The following NDUFC1 variants were observed in gnomAD, a reference collection of about 807,000 sequenced individuals.
NDUFC1 encodes the protein NADH:ubiquinone oxidoreductase subunit C1, also known as NADH dehydrogenase [ubiquinone] 1 subunit C1, mitochondrial.
A neutral mutation model predicts 11.6 loss-of-function variants in NDUFC1; 11 were observed. The ratio of observed to expected loss-of-function variants is 0.95; its 90% CI spans 0.60 to 1.58. The LOEUF (loss-of-function observed/expected upper bound fraction) is 1.58. NDUFC1 is among the 40% of genes most tolerant of loss of function. The pLI is 0.00. For missense variants in NDUFC1, 112 were observed against 93.0 expected, an observed-to-expected ratio of 1.20 and a Z score of -0.84; for synonymous variants, 52 against 42.2, an observed-to-expected ratio of 1.23 and a Z score of -0.90.
intron 3 of NDUFC1, 44 bp from the exon 4 acceptor site, chr4:139,295,190 G>C (rs754314157): frequency 2.0e-6 from 3 of 1,490,426 alleles, no homozygotes; most frequent in Non-Finnish European, 2.8e-6. Flanking sequence ...TTACTGCCTT[G>C]TAGGGAAAAA....
At chr4:139,292,776 T>C (rs1216736007) in intron 4 of NDUFC1, among the ~76,000 whole-genome samples, 167 bp from the exon 5 acceptor site, 1 of 151,708 alleles carries the variant, frequency 6.6e-6, no homozygotes, top group Admixed American at 6.6e-5. Flanking sequence ...CTCACCACAA[T>C]GTGACATCCT....
chr4:139,293,329 G>A (rs1392623462), intron 4 of NDUFC1, among the ~76,000 whole-genome samples: 1 of 152,074 alleles, frequency 6.6e-6, no homozygotes, highest in East Asian at 1.9e-4. Flanking sequence ...TCACGAAACT[G>A]TATGTGTATT....
rs751646656 is a variant in NDUFC1, at chr4:139,295,765, G to T, written c.34C>A (p.Arg12=). The stretch of plus-strand genomic sequence containing the variant: ...GGGAGCCTGGCGGGGGCCAGCAGCC[G>T]GGAAAGGGGACGCAGCAAGGCGGAC... ...APSALLRPLS[R]LLAPARLPSG... The change falls in exon 3 of 6, where the codon CGG becomes AGG. Residue 12 remains arginine (R), a synonymous_variant. Coordinates refer to ENST00000394223, the MANE Select transcript of NDUFC1 (RefSeq NM_001184989.2). 6.4e-7 allele frequency: 1 copy of T among 1,552,166 alleles called. No individual in the cohort carries two copies. Among genetic ancestry groups the T allele is most frequent in the South Asian group, 1.2e-5 (1 of 84,376 alleles).
chr4:139,302,107 T>G, intron 1 of NDUFC1: 5 of 366,694 alleles, frequency 1.4e-5, no homozygotes, highest in East Asian at 4.2e-5. Flanking sequence ...CCGGTTCTCA[T>G]TCTCCCCGAT....
chr4:139,292,623 A>G lies in NDUFC1; in HGVS notation c.172-14T>C. On this transcript the variant is annotated splice_polypyrimidine_tract_variant and intron_variant, in intron 4 of 5. Transcript: ENST00000394223. ...TTGTTTGATGAGCTACAAAGAGTTA[A>G]ACAGTTAAAATTAGAAATGTAATCT... The G allele has an allele frequency of 3.4e-6, 5 of 1,481,688 alleles. No homozygotes were observed. Among genetic ancestry groups the G allele is most frequent in the Non-Finnish European group, 4.6e-6 (5 of 1,077,678 alleles). 91.8% of individuals were successfully genotyped at this position (1,481,688 alleles called of 1,614,324 possible).
chr4:139,292,989 T>G (rs1191160190), intron 4 of NDUFC1, among the ~76,000 whole-genome samples: 4 of 151,914 alleles, frequency 2.6e-5, no homozygotes, highest in African/African-American at 4.8e-5. Context: ...CCTGGCTAAT[T>G]TTTGTATCTT....
chr4:139,295,123 C>G lies in NDUFC1; in HGVS notation c.91G>C (p.Val31Leu). The change falls in exon 4 of 6, where the codon GTG (valine) becomes CTG (leucine). Residue 31 changes from valine to leucine, a missense_variant. Coordinates refer to ENST00000394223, the MANE Select transcript of NDUFC1 (RefSeq NM_001184989.2). ...SGPSVRSKFY[V>L]REPPNAKPDW... ...GGTTTGGCATTCGGCGGCTCTCGCA[C>G]GTAGAACTTTGATCGCACTGAAGCT... is the stretch of plus-strand genomic sequence containing the variant. 1.2e-6 allele frequency: 2 copies of G among 1,614,146 alleles called. No individual in the cohort carries two copies. Among genetic ancestry groups the G allele is most frequent in the Non-Finnish European group, 1.7e-6 (2 of 1,180,020 alleles).
At chr4:139,290,950 C>T (rs1295385257) in intron 5 of NDUFC1, among the ~76,000 whole-genome samples, 1 of 151,472 alleles carries the variant, frequency 6.6e-6, no homozygotes, top group East Asian at 2.0e-4. Flanking sequence ...GCTGGGACTA[C>T]GGGCGCGCAC....
intron 5 of NDUFC1, among the ~76,000 whole-genome samples, chr4:139,291,095 A>G (rs1013580668): frequency 2.0e-5 from 3 of 148,608 alleles, no homozygotes; most frequent in African/African-American, 7.3e-5. Context: ...TACAGGCGTG[A>G]GCCACTGCGC....
chr4:139,292,340 T>A (rs6826290), intron 5 of NDUFC1, among the ~76,000 whole-genome samples, 190 bp downstream of exon 5: 1 of 148,946 alleles, frequency 6.7e-6, no homozygotes, highest in Non-Finnish European at 1.5e-5. Flanking sequence ...AAAAACCCCA[T>A]CCCCCCCAAA....
intron 1 of NDUFC1, among the ~76,000 whole-genome samples, chr4:139,299,317 C>T (rs574370613): frequency 1.3e-5 from 2 of 151,514 alleles, no homozygotes; most frequent in South Asian, 2.1e-4. Flanking sequence ...ATGTAACAGT[C>T]TCAATAGAGA....
intron 1 of NDUFC1, chr4:139,301,449 G>A: frequency 2.3e-6 from 1 of 439,770 alleles, no homozygotes; most frequent in Non-Finnish European, 4.0e-6. Flanking sequence ...AGGTCACCGC[G>A]CCTGCGTGTT....
chr4:139,301,518 G>C, intron 1 of NDUFC1: 1 of 491,468 alleles, frequency 2.0e-6, no homozygotes, highest in South Asian at 3.0e-5. Flanking sequence ...TGCCTCTGTC[G>C]GTCTGTTCAG....
intron 5 of NDUFC1, among the ~76,000 whole-genome samples, chr4:139,291,345 G>A (rs1229283272): frequency 6.6e-6 from 1 of 151,922 alleles, no homozygotes; most frequent in Non-Finnish European, 1.5e-5. Context: ...GGGAGGCCGA[G>A]GCGGGCAGAT....
intron 4 of NDUFC1, among the ~76,000 whole-genome samples, chr4:139,293,242 G>A (rs1470083099): frequency 6.6e-6 from 1 of 152,152 alleles, no homozygotes; most frequent in Non-Finnish European, 1.5e-5. Context: ...TATTAAATGG[G>A]ATCCAGGCTG....
intron 1 of NDUFC1, chr4:139,301,373 C>G (rs2110796948): frequency 2.4e-6 from 1 of 419,038 alleles, no homozygotes; most frequent in East Asian, 3.6e-5. Flanking sequence ...CCCTCCCGGC[C>G]TCCACAGGCA....
intron 4 of NDUFC1, among the ~76,000 whole-genome samples, chr4:139,293,619 T>C (rs1287119228): frequency 1.3e-5 from 2 of 152,166 alleles, no homozygotes; most frequent in Non-Finnish European, 2.9e-5. Context: ...TCTGAACCAC[T>C]TCAACAAGAA....
intron 5 of NDUFC1, among the ~76,000 whole-genome samples, chr4:139,290,317 CTTTTTTTT>C (rs1248275815): frequency 2.4e-5 from 3 of 124,384 alleles, no homozygotes; most frequent in African/African-American, 9.4e-5. Flanking sequence ...ATTTTTACCT[CTTTTTTTT>C]TTTTTTTTTT....
intron 3 of NDUFC1, 81 bp from the exon 4 acceptor site, chr4:139,295,227 G>T (rs1270890363): frequency 2.8e-5 from 30 of 1,071,052 alleles, no homozygotes; most frequent in Non-Finnish European, 4.1e-5. Flanking sequence ...GCGTATTATC[G>T]CATTTAATTC....
Sources: gnomAD v4.1 joint callset for allele counts (sites outside exome capture counted in the v4.1 genomes callset) on GRCh38, gnomAD v4.1.1 for gene constraint, MANE v1.5 for transcripts, NCBI Gene and HGNC (gene_info 2026-07-23, HGNC 2026-07-21) for gene names.